Variants in SBK1 observed in about 807,000 individuals in gnomAD.
SBK1 encodes SH3 domain binding kinase 1.
SBK1 carries 11 observed loss-of-function variants against 24.4 expected under a neutral mutation model. That is an observed-to-expected ratio of 0.45 (90% CI 0.28 to 0.75). SBK1 has a LOEUF of 0.75. Ranked by LOEUF, SBK1 falls within the 30% of genes least tolerant of loss-of-function variation. The pLI is 0.12. For missense variants in SBK1, 467 were observed against 620.5 expected (o/e 0.75, Z 2.63); for synonymous variants, 308 against 284.4 (o/e 1.08, Z -0.83).
intron 1 of SBK1, among the ~76,000 whole-genome samples, chr16:28,295,612 T>A (rs1259733586): frequency 6.6e-6 from 1 of 152,126 alleles, no homozygotes; most frequent in African/African-American, 2.4e-5. Context: ...GAGCCCAGCG[T>A]ATGGTAGGGC....
At chr16:28,292,391 G>A, upstream of SBK1, 1 of 298,066 alleles carries the variant, frequency 3.4e-6, no homozygotes, top group Non-Finnish European at 4.9e-6. Flanking sequence ...GGGCGGGCGC[G>A]CGGCGGGTGA....
intron 1 of SBK1, among the ~76,000 whole-genome samples, chr16:28,301,915 C>T (rs1288226853): frequency 6.6e-6 from 1 of 152,182 alleles, no homozygotes; most frequent in African/African-American, 2.4e-5. Flanking sequence ...ATTTATACCC[C>T]GAAGGGAAGA....
At chr16:28,280,186 T>G (rs1567672213) in intron 1 of SBK1, among the ~76,000 whole-genome samples, 1 of 129,964 alleles carries the variant, frequency 7.7e-6, no homozygotes, top group East Asian at 2.1e-4. Flanking sequence ...TATATATACA[T>G]ATATATGTAC....
rs1031688269 is a variant in SBK1 at position 28,305,068 on chromosome 16, CCT to C, written c.-8+11774_-8+11775del. 3.3e-5 allele frequency among the ~76,000 whole-genome samples: 5 copies of C among 152,128 alleles called. No homozygotes were observed. The South Asian group carries it at 6.2e-4, about 19-fold the overall frequency. On this transcript the variant is annotated intron_variant, in intron 1 of 3. Coordinates refer to ENST00000341901, the MANE Select transcript of SBK1 (RefSeq NM_001024401.3). ...AACTTCAGGCCCTGAGCACCTCTGA[CCT>C]CTCTCACCTGCTTCACTTTACTTCT...
intron 1 of SBK1, among the ~76,000 whole-genome samples, chr16:28,271,030 AT>A (rs1031589205): frequency 1.3e-5 from 2 of 151,488 alleles, no homozygotes; most frequent in Non-Finnish European, 2.9e-5. Context: ...CGCCTGGCTA[AT>A]TTTTTGTACT....
intron 1 of SBK1, among the ~76,000 whole-genome samples, chr16:28,276,074 T>C (rs2044492550): frequency 6.6e-6 from 1 of 151,926 alleles, no homozygotes; most frequent in Non-Finnish European, 1.5e-5. Context: ...GGAGGGAGGC[T>C]GGAGGAGGGG....
rs1555538964 is a variant in SBK1 at position 28,317,369 on chromosome 16, C to T, written c.-7-16C>T. On this transcript the variant is annotated splice_polypyrimidine_tract_variant and intron_variant, in intron 1 of 3. Transcript: ENST00000341901. The surrounding 1 kb of genome is among the most constrained non-coding windows in gnomAD (Gnocchi z 4.2). ...GCCTGATGTCACACTTCATGCTCAC[C>T]ACCCCTACCCAACAGGGAGAAGATG... 1 of 1,599,292 alleles carries T rather than the reference C, an allele frequency of 6.3e-7. No individual in the cohort carries two copies. Among genetic ancestry groups the T allele is most frequent in the South Asian group, 1.1e-5 (1 of 90,710 alleles).
intron 1 of SBK1, among the ~76,000 whole-genome samples, chr16:28,305,991 C>G (rs2044713999): frequency 6.6e-6 from 1 of 152,162 alleles, no homozygotes; most frequent in Non-Finnish European, 1.5e-5. Flanking sequence ...AGTAATGGCC[C>G]TCTCTCTGCC....
intron 2 of SBK1, among the ~76,000 whole-genome samples, chr16:28,318,517 G>A (rs2044814397): frequency 6.6e-6 from 1 of 152,244 alleles, no homozygotes. Flanking sequence ...GGCCTGCGAT[G>A]TGTAAATGCT....
chr16:28,262,238 C>T (rs2044402436), intron 1 of SBK1, among the ~76,000 whole-genome samples: 4 of 152,100 alleles, frequency 2.6e-5, no homozygotes, highest in Admixed American at 2.6e-4. Flanking sequence ...CAGCCAACCC[C>T]GCCCCGCCTC....
chr16:28,320,189 G>A lies in SBK1; in HGVS notation c.543G>A (p.Leu181=). Reference sequence around the variant, plus strand: ...GCGACATCAAGCCCGAGAACGTGCTGCTGTTCGACCGCGAGTGCCGCCGCG... The same window carrying A: ...GCGACATCAAGCCCGAGAACGTGCTACTGTTCGACCGCGAGTGCCGCCGCG... ...VHRDIKPENV[L]LFDRECRRVK... is the part of the protein sequence containing the mutation. The change falls in exon 4 of 4, where the codon CTG becomes CTA. Residue 181 remains leucine, a synonymous_variant. Coordinates refer to ENST00000341901, the MANE Select transcript of SBK1 (RefSeq NM_001024401.3). The surrounding 1 kb of genome is among the most constrained non-coding windows in gnomAD (Gnocchi z 8.5). 6.3e-7 allele frequency: 1 copy of A among 1,594,012 alleles called. No individual in the cohort carries two copies. Among genetic ancestry groups the A allele is most frequent in the Non-Finnish European group, 8.5e-7 (1 of 1,175,746 alleles).
chr16:28,308,185 C>A (rs1455688252), intron 1 of SBK1, among the ~76,000 whole-genome samples: 1 of 152,154 alleles, frequency 6.6e-6, no homozygotes, highest in Non-Finnish European at 1.5e-5. Flanking sequence ...CAGAGTCTCG[C>A]TGTCACCCAG....
chr16:28,295,709 G>T (rs1053104989), intron 1 of SBK1, among the ~76,000 whole-genome samples: 31 of 152,100 alleles, frequency 2.0e-4, no homozygotes, highest in African/African-American at 7.0e-4. Flanking sequence ...CTTAAAAAAA[G>T]TCGGGGGGAG....
At chr16:28,261,829 G>A (rs1056582120) in intron 1 of SBK1, among the ~76,000 whole-genome samples, 1 of 152,118 alleles carries the variant, frequency 6.6e-6, no homozygotes, top group African/African-American at 2.4e-5. Context: ...TAGGCCTTAG[G>A]GTTGGCAGCC....
At chr16:28,300,251 C>G (rs1184234863) in intron 1 of SBK1, among the ~76,000 whole-genome samples, 2 of 152,220 alleles carry the variant, frequency 1.3e-5, no homozygotes, top group Non-Finnish European at 2.9e-5. Context: ...TAGATGATCT[C>G]TACGTGACTT....
At chr16:28,307,832 A>G (rs933547993) in intron 1 of SBK1, among the ~76,000 whole-genome samples, 1 of 152,302 alleles carries the variant, frequency 6.6e-6, no homozygotes, top group African/African-American at 2.4e-5. Context: ...AACCGTAGCA[A>G]TATCTCTTCC....
chr16:28,275,914 G>A (rs1010553032), intron 1 of SBK1, among the ~76,000 whole-genome samples: 2 of 151,458 alleles, frequency 1.3e-5, no homozygotes, highest in South Asian at 2.1e-4. Context: ...AGGAAGGAAC[G>A]AAGGAAGGAA....
chr16:28,260,168 G>A (rs1338183281), intron 1 of SBK1, among the ~76,000 whole-genome samples: 1 of 152,130 alleles, frequency 6.6e-6, no homozygotes, highest in Non-Finnish European at 1.5e-5. Context: ...TATTGGGGGT[G>A]ACCGTGTGTG....
At chr16:28,308,742 T>G (rs199811328) in intron 1 of SBK1, among the ~76,000 whole-genome samples, 2,353 of 108,932 alleles carry the variant, frequency 0.022, 28 homozygotes, top group African/African-American at 0.04. Context: ...TTCTTTGGGG[T>G]GTGTGTGTGT....
Sources: gnomAD v4.1 joint callset for allele counts (sites outside exome capture counted in the v4.1 genomes callset) on GRCh38, gnomAD v4.1.1 for gene constraint, Gnocchi (gnomAD v3.1) non-coding constraint, MANE v1.5 for transcripts, NCBI Gene and HGNC (gene_info 2026-07-23, HGNC 2026-07-21) for gene names.